Variants in CFL1 observed in about 807,000 individuals in gnomAD.
CFL1 encodes the protein cofilin-1.
Under a neutral mutation model 16.3 loss-of-function variants are expected in CFL1, and 2 were observed. That is an observed-to-expected ratio of 0.12 (90% confidence interval 0.05 to 0.39). The LOEUF (loss-of-function observed/expected upper bound fraction) is 0.39. Among genes scored for constraint, CFL1 ranks in the 10% least tolerant of loss-of-function variants. CFL1 has a pLI of 0.99. For missense variants in CFL1, 75 were observed against 212.2 expected, an observed-to-expected ratio of 0.35 and a Z score of 4.02; for synonymous variants, 111 against 84.4, an observed-to-expected ratio of 1.31 and a Z score of -1.73.
chr11:65,857,402 G>C (rs1450690188), intron 1 of CFL1: 1 of 432,782 alleles, frequency 2.3e-6, no homozygotes, highest in African/African-American at 2.1e-5. Flanking sequence ...CCGACAGACA[G>C]CGCCGTTCCA....
At chr11:65,856,543 C>T (rs911518522) in intron 1 of CFL1, 4 of 363,654 alleles carry the variant, frequency 1.1e-5, no homozygotes, top group African/African-American at 6.3e-5. Flanking sequence ...GATCCACCGG[C>T]TACTGACTCA....
rs747046660 is a variant in CFL1 at position 65,855,468 on chromosome 11, G to A, written c.389-20C>T. On this transcript the variant is annotated intron_variant, in intron 3 of 3. Transcript: ENST00000308162. Reference sequence around the variant, plus strand: ...TGATCCCTATAAAGAAGAAAGGGGAGCATCTGTGAGCAGGAAGCACTGGGG... The same window carrying A: ...TGATCCCTATAAAGAAGAAAGGGGAACATCTGTGAGCAGGAAGCACTGGGG... 4 of 1,608,970 alleles carry A rather than the reference G, an allele frequency of 2.5e-6. No homozygotes were observed. Among genetic ancestry groups the A allele is most frequent in the Non-Finnish European group, 3.4e-6 (4 of 1,175,720 alleles).
intron 1 of CFL1, chr11:65,857,370 G>A (rs1479504483): frequency 7.2e-6 from 3 of 414,170 alleles, no homozygotes; most frequent in African/African-American, 6.3e-5. Flanking sequence ...CCGGCGGCCG[G>A]GCCTGAGCGT....
At chr11:65,857,987 C>T (rs1859419813) in intron 1 of CFL1, 110 bp downstream of exon 1, 1 of 1,244,828 alleles carries the variant, frequency 8.0e-7, no homozygotes, top group African/African-American at 1.6e-5. Context: ...GACCCTCATC[C>T]CGCCCGGGGC....
At chr11:65,855,880 T>C (rs564509765) in intron 2 of CFL1, 55 bp downstream of exon 2, 3 of 1,572,530 alleles carry the variant, frequency 1.9e-6, no homozygotes, top group Non-Finnish European at 2.6e-6. Flanking sequence ...GCCACAGAAG[T>C]TCCCATCATG....
Position 65,855,237 on chromosome 11 carries a change from C to G in CFL1, c.*99G>C, listed in dbSNP as rs1859362994. 1 of 940,860 alleles carries G rather than the reference C, an allele frequency of 1.1e-6. No homozygotes were observed. Among genetic ancestry groups the G allele is most frequent in the East Asian group, 2.6e-5 (1 of 38,974 alleles). 58.3% of individuals were successfully genotyped at this position (940,860 alleles called of 1,614,324 possible). A position where few individuals can be genotyped will look rare whatever the true frequency, so the allele number is the denominator to read the frequency against. ...GGGATTGCCCTCCCCCTGCTGGGAT[C>G]CCCCCAGCCCCTCCGGTCTGGCAGG... is the stretch of plus-strand genomic sequence containing the variant. On this transcript the variant is annotated 3_prime_UTR_variant, in exon 4 of 4. Transcript: ENST00000308162.
rs1049294882 is a variant in CFL1, at chr11:65,858,145, G to T, written c.-46C>A. ...GAGGGCACCGAGAGCCGCAGAAGAC[G>T]AGAGCGCTGCAGCCGCTGCCGGGAC... On this transcript the variant is annotated 5_prime_UTR_variant, in exon 1 of 4. Transcript: ENST00000308162. 6.6e-7 allele frequency: 1 copy of T among 1,517,422 alleles called. No individual in the cohort carries two copies. The highest frequency in any genetic ancestry group is 8.8e-7 in the Non-Finnish European group (1 of 1,132,186). 94.0% of individuals were successfully genotyped at this position (1,517,422 alleles called of 1,614,324 possible).
chr11:65,856,949 G>T (rs1375276754), intron 1 of CFL1: 1 of 153,386 alleles, frequency 6.5e-6, no homozygotes, highest in African/African-American at 2.4e-5. Context: ...GTGCTTCGGG[G>T]TGCCCGAGCC....
At chr11:65,856,672 C>G (rs1439376990) in intron 1 of CFL1, 1 of 215,534 alleles carries the variant, frequency 4.6e-6, no homozygotes, top group Admixed American at 5.3e-5. Context: ...CAAGACCCCA[C>G]AATGCTAGAT....
rs942778933 is a variant in CFL1 at position 65,855,078 on chromosome 11, G to C, written c.*258C>G. On this transcript the variant is annotated 3_prime_UTR_variant, in exon 4 of 4. Transcript: ENST00000308162. The stretch of plus-strand genomic sequence containing the variant: ...AGGCTCCCCCACAACTGGGGTGCCT[G>C]GGGGGAACTTGGTCTGCTTCAGCCC... 16 of 443,842 alleles carry C rather than the reference G, an allele frequency of 3.6e-5. No individual in the cohort carries two copies. The East Asian group carries it at 6.3e-4, about 18-fold the overall frequency. The allele number at this position is 443,842 out of a possible 1,614,324, so 27.5% of individuals were successfully genotyped here.
In CFL1 at chr11:65,855,261, G is replaced by C; in HGVS notation, c.*75C>G. On this transcript the variant is annotated 3_prime_UTR_variant, in exon 4 of 4. Coordinates refer to ENST00000308162, the MANE Select transcript of CFL1 (RefSeq NM_005507.3). Reference sequence around the variant, plus strand: ...TCCCCCCAGCCCCTCCGGTCTGGCAGGAAGGGGGCAGCCTGCAACCCCCAA... The same window carrying C: ...TCCCCCCAGCCCCTCCGGTCTGGCACGAAGGGGGCAGCCTGCAACCCCCAA... 7.8e-7 allele frequency: 1 copy of C among 1,279,594 alleles called. No individual in the cohort carries two copies. The allele number at this position is 1,279,594 out of a possible 1,614,324, so 79.3% of individuals were successfully genotyped here. A position where few individuals can be genotyped will look rare whatever the true frequency, so the allele number is the denominator to read the frequency against.
chr11:65,856,599 G>C, intron 1 of CFL1: 1 of 260,606 alleles, frequency 3.8e-6, no homozygotes, highest in South Asian at 4.0e-5. Context: ...TAAAACTGGT[G>C]ATTTAGAACT....
chr11:65,854,973 G>A lies in CFL1; in HGVS notation c.*363C>T, dbSNP rs1859353231. 7.0e-6 allele frequency: 2 copies of A among 287,176 alleles called. No homozygotes were observed. The highest frequency in any genetic ancestry group is 1.4e-5 in the Non-Finnish European group (2 of 144,512). The allele number at this position is 287,176 out of a possible 1,614,324, so 17.8% of individuals were successfully genotyped here. On this transcript the variant is annotated 3_prime_UTR_variant, in exon 4 of 4. Coordinates refer to ENST00000308162, the MANE Select transcript of CFL1 (RefSeq NM_005507.3). Reference sequence around the variant, plus strand: ...ACAGAACTAAACAGACAAGCACAGAGTCACTATTGCGGTTAGAAGTTGGCA... The same window carrying A: ...ACAGAACTAAACAGACAAGCACAGAATCACTATTGCGGTTAGAAGTTGGCA...
chr11:65,856,039 G>A lies in CFL1; in HGVS notation c.207C>T (p.Ala69=). 1 of 1,614,174 alleles carries A rather than the reference G, an allele frequency of 6.2e-7. No individual in the cohort carries two copies. The highest frequency in any genetic ancestry group is 8.5e-7 in the Non-Finnish European group (1 of 1,180,030). ...TATCTGGCAGCATCTTGACAAAGGT[G>A]GCGTAGGGGTCGTCGACAGTCTGGC... is the stretch of plus-strand genomic sequence containing the variant. ...DVGQTVDDPY[A]TFVKMLPDKD... Residue 69 remains alanine (A), a synonymous_variant, in exon 2 of 4, where the codon GCC becomes GCT. Coordinates refer to ENST00000308162, the MANE Select transcript of CFL1 (RefSeq NM_005507.3).
intron 1 of CFL1, 140 bp downstream of exon 1, chr11:65,857,957 C>T: frequency 1.1e-6 from 1 of 890,916 alleles, no homozygotes; most frequent in South Asian, 2.2e-5. Flanking sequence ...CATTCCGGCA[C>T]CGCCCGCCCC....
chr11:65,855,907 A>G, intron 2 of CFL1, 28 bp downstream of exon 2: 1 of 1,597,178 alleles, frequency 6.3e-7, no homozygotes, highest in Non-Finnish European at 8.6e-7. Flanking sequence ...GGGGCAGGTG[A>G]CAGGAAGAAG....
chr11:65,856,371 C>G (rs970767917), intron 1 of CFL1, 129 bp from the exon 2 acceptor site: 20 of 832,014 alleles, frequency 2.4e-5, no homozygotes, highest in Non-Finnish European at 3.6e-5. Context: ...CTAGTTTTCC[C>G]ACCCAAGTCA....
In CFL1 at chr11:65,855,333, G is replaced by T; in HGVS notation, c.*3C>A. On this transcript the variant is annotated 3_prime_UTR_variant, in exon 4 of 4. Coordinates refer to ENST00000308162, the MANE Select transcript of CFL1 (RefSeq NM_005507.3). ...ATGCTCCAGGCAGGGGGCCAGAAGG[G>T]GCTCACAAAGGCTTGCCCTCCAGGG... 2 of 1,610,638 alleles carry T rather than the reference G, an allele frequency of 1.2e-6. No individual in the cohort carries two copies. Among genetic ancestry groups the T allele is most frequent in the Admixed American group, 1.7e-5 (1 of 60,008 alleles).
At chr11:65,855,797 T>C (rs1264974269) in intron 2 of CFL1, 67 bp from the exon 3 acceptor site, 2 of 1,515,658 alleles carry the variant, frequency 1.3e-6, no homozygotes, top group Non-Finnish European at 1.8e-6. Context: ...TGAGAAACCC[T>C]TGGGCTGGCA....
Sources: allele counts gnomAD v4.1 joint callset, GRCh38; gene constraint gnomAD v4.1.1; transcripts MANE v1.5; gene names NCBI Gene and HGNC (gene_info 2026-07-23, HGNC 2026-07-21).